Variants in DTNA observed in about 807,000 individuals in gnomAD.
DTNA encodes the protein dystrophin-related protein 3.
A neutral mutation model predicts 100.7 loss-of-function variants in DTNA; 43 were observed. The ratio of observed to expected loss-of-function variants is 0.43; its 90% CI spans 0.33 to 0.55. DTNA has a LOEUF of 0.55. Ranked by LOEUF, DTNA falls within the 20% of genes least tolerant of loss-of-function variation. The pLI is 0.04. For synonymous variants in DTNA, 349 were observed against 347.9 expected, an observed-to-expected ratio of 1.00 and a Z score of -0.04; for missense variants, 798 against 953.9, an observed-to-expected ratio of 0.84 and a Z score of 2.15.
intron 1 of DTNA, among the ~76,000 whole-genome samples, chr18:34,736,408 T>A (rs1293756722): frequency 6.6e-6 from 1 of 152,180 alleles, no homozygotes; most frequent in African/African-American, 2.4e-5. Flanking sequence ...GGATGTACAT[T>A]TCCCATTTAT....
chr18:34,753,264 G>A (rs1156938796), intron 1 of DTNA, among the ~76,000 whole-genome samples: 1 of 152,008 alleles, frequency 6.6e-6, no homozygotes, highest in Non-Finnish European at 1.5e-5. Context: ...AAGCAGCAAG[G>A]CCTGCAAGTT....
chr18:34,864,984 C>A (rs2150169257), intron 17 of DTNA, among the ~76,000 whole-genome samples: 1 of 152,308 alleles, frequency 6.6e-6, no homozygotes, highest in Admixed American at 6.5e-5. Context: ...AAGTCAAAAG[C>A]AGGCAAATTA....
At chr18:34,607,860 A>G (rs1295196830) in intron 1 of DTNA, among the ~76,000 whole-genome samples, 1 of 152,224 alleles carries the variant, frequency 6.6e-6, no homozygotes, top group African/African-American at 2.4e-5. Flanking sequence ...TGCATACAAC[A>G]ACTAAGAAAA....
At chr18:34,624,669 CT>C (rs1311022809) in intron 1 of DTNA, among the ~76,000 whole-genome samples, 2 of 152,068 alleles carry the variant, frequency 1.3e-5, no homozygotes, top group Non-Finnish European at 1.5e-5. Context: ...CTGTTAAATT[CT>C]TTTTATAAAC....
chr18:34,511,244 T>C (rs964878596), intron 1 of DTNA, among the ~76,000 whole-genome samples: 8 of 152,090 alleles, frequency 5.3e-5, no homozygotes, highest in African/African-American at 1.9e-4. Context: ...CTAAAGAAAG[T>C]TATTTGAATA....
At chr18:34,545,800 C>A (rs984485776) in intron 1 of DTNA, among the ~76,000 whole-genome samples, 1 of 151,960 alleles carries the variant, frequency 6.6e-6, no homozygotes, top group Non-Finnish European at 1.5e-5. Context: ...TCAGTTGTGT[C>A]CATTTCTTTT....
At chr18:34,876,157 G>A (rs1292153026) in intron 18 of DTNA, among the ~76,000 whole-genome samples, 1 of 152,170 alleles carries the variant, frequency 6.6e-6, no homozygotes, top group Non-Finnish European at 1.5e-5. Flanking sequence ...ATATGTTTAA[G>A]GATGTGATTA....
intron 1 of DTNA, among the ~76,000 whole-genome samples, chr18:34,592,252 T>C (rs1384378364): frequency 1.3e-5 from 2 of 152,160 alleles, no homozygotes; most frequent in African/African-American, 4.8e-5. Flanking sequence ...TAGAATTGCA[T>C]GTTTTGAACA....
intron 1 of DTNA, among the ~76,000 whole-genome samples, chr18:34,588,652 G>C (rs913328046): frequency 2.8e-5 from 4 of 142,742 alleles, no homozygotes; most frequent in African/African-American, 1.1e-4. Flanking sequence ...TGAGGAATGA[G>C]GAAATGCTGC....
intron 1 of DTNA, among the ~76,000 whole-genome samples, chr18:34,567,001 A>C (rs762576204): frequency 3.5e-4 from 53 of 152,220 alleles, no homozygotes; most frequent in Middle Eastern, 3.2e-3. Flanking sequence ...TGTTGGAAAG[A>C]CACTGAATAA....
At chr18:34,667,818 T>C (rs551443061) in intron 1 of DTNA, among the ~76,000 whole-genome samples, 3,005 of 152,270 alleles carry the variant, frequency 0.02, 92 homozygotes, top group African/African-American at 0.068. Context: ...CTGCTGGATT[T>C]GGTTTGCCAG....
At chr18:34,718,245 A>G (rs1265160584) in intron 1 of DTNA, among the ~76,000 whole-genome samples, 1 of 152,248 alleles carries the variant, frequency 6.6e-6, no homozygotes, top group Non-Finnish European at 1.5e-5. Flanking sequence ...AATGTATGAC[A>G]CATGACAATT....
intron 1 of DTNA, among the ~76,000 whole-genome samples, chr18:34,516,350 A>G (rs1285535545): frequency 1.3e-5 from 2 of 152,140 alleles, no homozygotes; most frequent in Non-Finnish European, 2.9e-5. Context: ...AAGCCAGAGC[A>G]AGATCACAGG....
intron 1 of DTNA, among the ~76,000 whole-genome samples, chr18:34,668,222 T>A: frequency 6.6e-6 from 1 of 152,244 alleles, no homozygotes; most frequent in Non-Finnish European, 1.5e-5. Flanking sequence ...TAGAGATGTT[T>A]ATAGTATTCT....
intron 13 of DTNA, among the ~76,000 whole-genome samples, chr18:34,839,537 A>G (rs1388527957): frequency 6.6e-6 from 1 of 152,206 alleles, no homozygotes; most frequent in East Asian, 1.9e-4. Flanking sequence ...CTTGATATTA[A>G]TAATAAATGT....
At chr18:34,795,354 A>T (rs1172236107) in intron 4 of DTNA, among the ~76,000 whole-genome samples, 1 of 152,202 alleles carries the variant, frequency 6.6e-6, no homozygotes, top group African/African-American at 2.4e-5. Context: ...TGTCTTCGTG[A>T]TATTTATATT....
intron 1 of DTNA, among the ~76,000 whole-genome samples, chr18:34,494,671 AGGGGGCAG>A (rs2038984596): frequency 1.3e-5 from 2 of 149,766 alleles, no homozygotes; most frequent in African/African-American, 4.9e-5. Context: ...GCGCAGGGGG[AGGGGGCAG>A]GGGAGGCGCA....
chr18:34,879,033 T>G (rs1251909783), intron 19 of DTNA, among the ~76,000 whole-genome samples: 1 of 152,252 alleles, frequency 6.6e-6, no homozygotes, highest in Non-Finnish European at 1.5e-5. Context: ...AGGTAACCAC[T>G]GCCCTAGCAA....
At chr18:34,749,954 C>T (rs1220746403) in intron 1 of DTNA, among the ~76,000 whole-genome samples, 1 of 152,062 alleles carries the variant, frequency 6.6e-6, no homozygotes, top group African/African-American at 2.4e-5. Context: ...TGGAAACAGG[C>T]ATTTATATGC....
Sources: allele counts gnomAD v4.1 joint callset (sites outside exome capture counted in the v4.1 genomes callset), GRCh38; gene constraint gnomAD v4.1.1; transcripts MANE v1.5; gene names NCBI Gene and HGNC (gene_info 2026-07-23, HGNC 2026-07-21).